Variants in TP63 observed in about 807,000 individuals in gnomAD.
The protein encoded by TP63 is tumor protein 63.
TP63 carries 17 observed loss-of-function variants against 82.8 expected under a neutral mutation model. The ratio of observed to expected loss-of-function variants is 0.21; its 90% CI spans 0.14 to 0.31. TP63 has a LOEUF of 0.31. Ranked by LOEUF, TP63 falls within the 10% of genes least tolerant of loss-of-function variation. The pLI, the probability that TP63 is intolerant of heterozygous loss-of-function variation, is 1.00. For synonymous variants in TP63, 330 were observed against 321.7 expected, an observed-to-expected ratio of 1.03 and a Z score of -0.28; for missense variants, 648 against 895.3, an observed-to-expected ratio of 0.72 and a Z score of 3.52.
chr3:189,711,329 G>A (rs552679132), intron 1 of TP63, among the ~76,000 whole-genome samples: 1 of 152,290 alleles, frequency 6.6e-6, no homozygotes, highest in East Asian at 1.9e-4. Context: ...GGGTTTCTGT[G>A]TACAAGGTCC....
At chr3:189,880,742 G>A (rs558458681) in intron 10 of TP63, 3 of 985,392 alleles carry the variant, frequency 3.0e-6, no homozygotes, top group East Asian at 1.1e-4. Flanking sequence ...GCTGGGCAGC[G>A]AGGTGATCAT....
At chr3:189,873,042 T>C in intron 10 of TP63, 47 bp downstream of exon 10, 1 of 1,613,680 alleles carries the variant, frequency 6.2e-7, no homozygotes, top group Non-Finnish European at 8.5e-7. Context: ...TGAGGGTGAC[T>C]TTATTTGGAT....
At chr3:189,792,042 C>A (rs1336450039) in intron 3 of TP63, among the ~76,000 whole-genome samples, 1 of 152,028 alleles carries the variant, frequency 6.6e-6, no homozygotes, top group Admixed American at 6.6e-5. Flanking sequence ...TCTTTGACTT[C>A]AAATAAATTT....
intron 4 of TP63, among the ~76,000 whole-genome samples, chr3:189,831,593 A>G (rs1451590300): frequency 6.6e-6 from 1 of 150,858 alleles, no homozygotes; most frequent in African/African-American, 2.4e-5. Context: ...TGGAGTTCAG[A>G]CTCTGATTTT....
chr3:189,828,616 T>C (rs568632366), intron 4 of TP63, among the ~76,000 whole-genome samples: 2 of 152,234 alleles, frequency 1.3e-5, no homozygotes, highest in African/African-American at 4.8e-5. Context: ...ATATTCTCTA[T>C]GTCTCTGCCT....
intron 13 of TP63, among the ~76,000 whole-genome samples, chr3:189,891,165 A>G (rs1048051814): frequency 4.7e-4 from 72 of 152,292 alleles, no homozygotes; most frequent in African/African-American, 1.5e-3. Flanking sequence ...TATTCCCGCA[A>G]TCAAAACATT....
chr3:189,877,878 T>C (rs1228549115), intron 10 of TP63, among the ~76,000 whole-genome samples: 1 of 152,156 alleles, frequency 6.6e-6, no homozygotes, highest in Non-Finnish European at 1.5e-5. Context: ...TTTTTCTGTC[T>C]CTTTTTTGTA....
the TP63 span, among the ~76,000 whole-genome samples, chr3:189,605,737 TA>T: frequency 6.6e-6 from 1 of 152,146 alleles, no homozygotes; most frequent in Non-Finnish European, 1.5e-5. Context: ...ATAATGTGTT[TA>T]AAATTTTTTT....
chr3:189,857,859 G>A (rs1175015829), intron 4 of TP63, among the ~76,000 whole-genome samples: 1 of 152,200 alleles, frequency 6.6e-6, no homozygotes, highest in East Asian at 1.9e-4. Flanking sequence ...GTGGAGAGAA[G>A]AGAACCTTTA....
rs570600609 is a variant in TP63, at chr3:189,702,667, A to G, written c.63-35073A>G. ...TGAGCATCGCAGAAGGTTACCATGG[A>G]TGCTACACTGTTTTTAAAAAGGTAA... is the stretch of plus-strand genomic sequence containing the variant. On this transcript the variant is annotated intron_variant, in intron 1 of 13. Coordinates refer to ENST00000264731, the MANE Select transcript of TP63 (RefSeq NM_003722.5). Among the ~76,000 whole-genome samples, 106 of 152,236 alleles carry G rather than the reference A, an allele frequency of 7.0e-4. 1 individual carries two copies. Among genetic ancestry groups the G allele is most frequent in the Non-Finnish European group, 1.2e-3 (81 of 68,040 alleles).
At chr3:189,660,810 T>G (rs1577194127) in intron 1 of TP63, among the ~76,000 whole-genome samples, 1 of 148,846 alleles carries the variant, frequency 6.7e-6, no homozygotes, top group East Asian at 2.0e-4. Context: ...CTAGGTATTT[T>G]TGTGTGTGTT....
intron 4 of TP63, among the ~76,000 whole-genome samples, chr3:189,861,790 G>A (rs769070859): frequency 5.9e-5 from 9 of 152,276 alleles, no homozygotes; most frequent in South Asian, 2.1e-4. Context: ...TTGCATGGCT[G>A]AGTTAAGAGA....
intron 1 of TP63, among the ~76,000 whole-genome samples, chr3:189,709,660 T>A (rs1398308496): frequency 2.0e-5 from 3 of 152,050 alleles, no homozygotes; most frequent in Admixed American, 1.3e-4. Context: ...ATAATAATAA[T>A]AAAAAAGAAT....
At chr3:189,690,380 C>A (rs2108717745) in intron 1 of TP63, among the ~76,000 whole-genome samples, 1 of 152,296 alleles carries the variant, frequency 6.6e-6, no homozygotes, top group South Asian at 2.1e-4. Flanking sequence ...GCCAGACACT[C>A]TCCTACTCCC....
chr3:189,805,465 C>T (rs1460572767), intron 3 of TP63, among the ~76,000 whole-genome samples: 1 of 152,164 alleles, frequency 6.6e-6, no homozygotes, highest in Non-Finnish European at 1.5e-5. Flanking sequence ...TTCTGGGAAC[C>T]AACTTTCAAG....
intron 1 of TP63, among the ~76,000 whole-genome samples, chr3:189,656,120 C>T (rs4491879): frequency 0.44 from 66,850 of 151,696 alleles, 16,099 homozygotes; most frequent in Middle Eastern, 0.69. Flanking sequence ...CCTTAATTGG[C>T]CTGAAAGAAA....
the TP63 span, among the ~76,000 whole-genome samples, chr3:189,605,948 A>G: frequency 1.3e-5 from 2 of 152,362 alleles, no homozygotes; most frequent in South Asian, 4.1e-4. Flanking sequence ...ATACTGACCC[A>G]ATGTAAGACA....
chr3:189,780,371 T>C (rs1212798944), intron 3 of TP63, among the ~76,000 whole-genome samples: 1 of 152,208 alleles, frequency 6.6e-6, no homozygotes, highest in Non-Finnish European at 1.5e-5. Context: ...TCAAGTTAGA[T>C]CATCCTAGAC....
chr3:189,805,412 G>A (rs1380447844), intron 3 of TP63, among the ~76,000 whole-genome samples: 1 of 152,162 alleles, frequency 6.6e-6, no homozygotes, highest in Non-Finnish European at 1.5e-5. Context: ...AATTATTAAT[G>A]TCATATGAGC....
Sources: allele counts gnomAD v4.1 joint callset (sites outside exome capture counted in the v4.1 genomes callset), GRCh38; gene constraint gnomAD v4.1.1; transcripts MANE v1.5; gene names NCBI Gene and HGNC (gene_info 2026-07-23, HGNC 2026-07-21).